Variants in ATP2B2 observed in about 807,000 individuals in gnomAD.
The protein encoded by ATP2B2 is plasma membrane calcium-transporting ATPase 2.
In ATP2B2, 15 loss-of-function variants were observed where a neutral mutation model predicts 120.0. That is an observed-to-expected ratio of 0.12 (90% CI 0.08 to 0.19). The LOEUF is 0.19. ATP2B2 is among the 10% of genes least tolerant of loss of function. The pLI is 1.00. For synonymous variants in ATP2B2, 694 were observed against 700.3 expected (o/e 0.99, Z 0.14); for missense variants, 1,045 against 1,719.8 (o/e 0.61, Z 6.94).
intron 2 of ATP2B2, among the ~76,000 whole-genome samples, chr3:10,549,226 C>G (rs1303607527): frequency 1.3e-5 from 2 of 152,300 alleles, no homozygotes; most frequent in Admixed American, 6.5e-5. Context: ...TAGGTAAGGT[C>G]AGATGCCCCT....
rs533286190 is a variant in ATP2B2, at chr3:10,408,655, C to T, written c.397+1963G>A. 3.9e-5 allele frequency among the ~76,000 whole-genome samples: 6 copies of T among 152,298 alleles called. No homozygotes were observed. The East Asian group carries it at 7.7e-4, about 20-fold the overall frequency. ...CTACAGTCTAACGTAGCTTTGTGACCGCAGGCAAGTCCTTCCCCTCTCTGG... is the reference window on the plus strand; with the variant it reads ...CTACAGTCTAACGTAGCTTTGTGACTGCAGGCAAGTCCTTCCCCTCTCTGG... On this transcript the variant is annotated intron_variant, in intron 3 of 22. Coordinates refer to ENST00000360273, the MANE Select transcript of ATP2B2 (RefSeq NM_001001331.4).
chr3:10,507,086 A>G (rs1245555381), upstream of ATP2B2, among the ~76,000 whole-genome samples: 2 of 152,096 alleles, frequency 1.3e-5, no homozygotes, highest in East Asian at 3.9e-4. Flanking sequence ...GGGTGGCCTC[A>G]ACGCAGGGAG....
At chr3:10,580,483 C>T (rs1485296865) in intron 2 of ATP2B2, among the ~76,000 whole-genome samples, 9 of 152,154 alleles carry the variant, frequency 5.9e-5, no homozygotes, top group African/African-American at 1.9e-4. Flanking sequence ...ATGAGGGTGG[C>T]GTGTAAGGTC....
intron 1 of ATP2B2, among the ~76,000 whole-genome samples, chr3:10,504,625 C>T (rs2066536843): frequency 6.6e-6 from 1 of 151,716 alleles, no homozygotes; most frequent in Non-Finnish European, 1.5e-5. Context: ...GGAATAGCTA[C>T]TTGGCTAGAA....
intron 2 of ATP2B2, among the ~76,000 whole-genome samples, chr3:10,608,670 T>A (rs576117836): frequency 6.6e-6 from 1 of 152,210 alleles, no homozygotes; most frequent in Non-Finnish European, 1.5e-5. Context: ...CTCTTACTCA[T>A]CTGCCAAGAC....
chr3:10,689,696 T>C (rs1322484250), intron 1 of ATP2B2, among the ~76,000 whole-genome samples: 1 of 152,184 alleles, frequency 6.6e-6, no homozygotes, highest in Non-Finnish European at 1.5e-5. Context: ...GGGAACCCTG[T>C]CATGGACCAG....
intron 1 of ATP2B2, among the ~76,000 whole-genome samples, chr3:10,496,524 C>T (rs2066155496): frequency 6.6e-6 from 1 of 152,246 alleles, no homozygotes; most frequent in African/African-American, 2.4e-5. Flanking sequence ...AAGGGATCAG[C>T]TGAGGCCACA....
intron 4 of ATP2B2, among the ~76,000 whole-genome samples, chr3:10,401,376 T>A (rs2062213808): frequency 6.6e-6 from 1 of 152,150 alleles, no homozygotes; most frequent in Admixed American, 6.5e-5. Flanking sequence ...GGAGTGCAGG[T>A]CTCCCAACAA....
At chr3:10,611,191 G>C (rs1178424047) in intron 2 of ATP2B2, among the ~76,000 whole-genome samples, 1 of 152,188 alleles carries the variant, frequency 6.6e-6, no homozygotes, top group Non-Finnish European at 1.5e-5. Flanking sequence ...CTGGTTTTGG[G>C]GGGACATTTC....
rs545667633 is a variant in ATP2B2, at chr3:10,504,285, G to C, written c.-320+1180C>G. 7.2e-5 allele frequency among the ~76,000 whole-genome samples: 11 copies of C among 152,196 alleles called. 2 individuals carry two copies. The South Asian group carries it at 2.3e-3, about 32-fold the overall frequency. On this transcript the variant is annotated intron_variant, in intron 1 of 22. Coordinates refer to ENST00000360273, the MANE Select transcript of ATP2B2 (RefSeq NM_001001331.4). ...CTCCAAGCCCCCTCCTACTGCACAC[G>C]TCAAAGGAGAATTTCTCCGGATGGC...
At chr3:10,335,812 G>A (rs28580792) in intron 22 of ATP2B2, among the ~76,000 whole-genome samples, 252 of 152,246 alleles carry the variant, frequency 1.7e-3, no homozygotes, top group African/African-American at 5.8e-3. Flanking sequence ...TCTGGCTGCC[G>A]GGACCCTGTG....
Position 10,585,971 on chromosome 3 carries a change from G to C in ATP2B2, c.-415+33946C>G, listed in dbSNP as rs192431089. Among the ~76,000 whole-genome samples the C allele has an allele frequency of 4.6e-4, 70 of 152,252 alleles. 1 individual carries two copies. The highest frequency in any genetic ancestry group is 1.6e-3 in the African/African-American group (67 of 41,546). Reference sequence around the variant, plus strand: ...TCTCCTATCTCCAATCTAGAACCTTGCCTGGCAAATAGTAGGTTTTCAATA... The same window carrying C: ...TCTCCTATCTCCAATCTAGAACCTTCCCTGGCAAATAGTAGGTTTTCAATA... On this transcript the variant is annotated intron_variant, in intron 2 of 21. Transcript: ENST00000646379.
chr3:10,652,019 C>A (rs114445075), intron 1 of ATP2B2, among the ~76,000 whole-genome samples: 1,622 of 152,198 alleles, frequency 0.011, 28 homozygotes, highest in African/African-American at 0.036. Context: ...GGGTCCCTGG[C>A]AAATCAGTAC....
chr3:10,600,618 T>C (rs1379073966), intron 2 of ATP2B2, among the ~76,000 whole-genome samples: 1 of 152,160 alleles, frequency 6.6e-6, no homozygotes, highest in Non-Finnish European at 1.5e-5. Flanking sequence ...GGTTTCAAAC[T>C]CCAGACGGGG....
intron 1 of ATP2B2, among the ~76,000 whole-genome samples, chr3:10,459,179 A>G (rs1050612661): frequency 4.6e-5 from 7 of 152,270 alleles, no homozygotes; most frequent in African/African-American, 7.2e-5. Flanking sequence ...TGTGACATCC[A>G]CTGCCCACCC....
chr3:10,555,474 C>G (rs2067758484), intron 2 of ATP2B2, among the ~76,000 whole-genome samples: 1 of 152,266 alleles, frequency 6.6e-6, no homozygotes, highest in Non-Finnish European at 1.5e-5. Context: ...CCTGACCTCC[C>G]TGTGCAAGGT....
At chr3:10,486,332 T>TGTGTGTGC (rs2065662204) in intron 1 of ATP2B2, among the ~76,000 whole-genome samples, 1 of 17,530 alleles carries the variant, frequency 5.7e-5, no homozygotes, top group Non-Finnish European at 3.3e-4. Context: ...TGCGTGTGTG[T>TGTGTGTGC]GTGTGTGTGT....
chr3:10,378,458 C>T (rs775894547), intron 9 of ATP2B2, 48 bp from the exon 10 acceptor site: 1 of 1,597,794 alleles, frequency 6.3e-7, no homozygotes, highest in Non-Finnish European at 8.5e-7. Flanking sequence ...CACATAGACA[C>T]ACATGCAGGT....
chr3:10,639,588 G>A (rs2125649400), intron 1 of ATP2B2, among the ~76,000 whole-genome samples: 1 of 152,256 alleles, frequency 6.6e-6, no homozygotes, highest in South Asian at 2.1e-4. Flanking sequence ...AACCTTGATG[G>A]ATGGGACTTC....
Sources: gnomAD v4.1 joint callset for allele counts (sites outside exome capture counted in the v4.1 genomes callset) on GRCh38, gnomAD v4.1.1 for gene constraint, MANE v1.5 for transcripts, NCBI Gene and HGNC (gene_info 2026-07-23, HGNC 2026-07-21) for gene names.